The following STAT6 variants were observed in gnomAD, a reference collection of about 807,000 sequenced individuals.
The protein encoded by STAT6 is signal transducer and activator of transcription 6.
STAT6 carries 45 observed loss-of-function variants against 106.3 expected under a neutral mutation model. The observed-to-expected ratio is 0.42, with a 90% CI of 0.33 to 0.54. The LOEUF is 0.54. Among genes scored for constraint, STAT6 ranks in the 20% least tolerant of loss-of-function variants. The probability of loss-of-function intolerance (pLI) is 0.06; values close to 1 mark genes in which losing one functional copy is unlikely to be tolerated. For synonymous variants in STAT6, 413 were observed against 413.6 expected, an observed-to-expected ratio of 1.00 and a Z score of 0.02; for missense variants, 797 against 1,062.2, an observed-to-expected ratio of 0.75 and a Z score of 3.47.
chr12:57,102,616 A>G, intron 12 of STAT6, 120 bp from the exon 13 acceptor site: 1 of 1,133,400 alleles, frequency 8.8e-7, no homozygotes. Context: ...TATCGCTCAC[A>G]AACATGCTGT....
In STAT6 at chr12:57,107,229, A is replaced by G; in HGVS notation, c.339+2T>C. ...GGGGTGGGAGGTGGAATATCACAAT[A>G]CCTGTTCCATAACAGCTTTTTTCTC... On this transcript the variant is annotated splice_donor_variant, in intron 4 of 21. Transcript: ENST00000300134. LOFTEE classifies it high-confidence loss of function. 1 of 1,613,908 alleles carries G rather than the reference A, an allele frequency of 6.2e-7. No individual in the cohort carries two copies. Among genetic ancestry groups the G allele is most frequent in the Non-Finnish European group, 8.5e-7 (1 of 1,179,834 alleles).
intron 1 of STAT6, among the ~76,000 whole-genome samples, chr12:57,109,635 G>T (rs2034474243): frequency 6.6e-6 from 1 of 152,156 alleles, no homozygotes; most frequent in South Asian, 2.1e-4. Context: ...TGGAAAAAAG[G>T]CGGGTTTAGT....
At position 57,096,870 on chromosome 12, in the gene STAT6, T is replaced by C. The variant is rs761639300; in HGVS notation, c.2334A>G (p.Thr778=). The part of the protein sequence containing the change: ...VEDSCLSQPV[T]AFPQGTWIGE... ...CTCACCAAGTGCCCTGAGGAAACGC[T>C]GTCACTGGCTGGCTCAGGCAGCTGT... Residue 778 remains threonine (T), a synonymous_variant, in exon 21 of 22, where the codon ACA becomes ACG. Transcript: ENST00000300134. The C allele has an allele frequency of 6.2e-7, 1 of 1,614,176 alleles. No individual in the cohort carries two copies. Among genetic ancestry groups the C allele is most frequent in the Admixed American group, 1.7e-5 (1 of 60,028 alleles).
At chr12:57,098,391 A>G (rs2033589582) in intron 19 of STAT6, 114 bp downstream of exon 19, 1 of 1,071,362 alleles carries the variant, frequency 9.3e-7, no homozygotes, top group Non-Finnish European at 1.4e-6. Context: ...ACAGAAGAGA[A>G]GAAGACAGGC....
At position 57,098,533 on chromosome 12, in the gene STAT6, A is replaced by G; in HGVS notation, c.2131T>C (p.Ser711Pro). 1 of 1,614,140 alleles carries G rather than the reference A, an allele frequency of 6.2e-7. No individual in the cohort carries two copies. Among genetic ancestry groups the G allele is most frequent in the Non-Finnish European group, 8.5e-7 (1 of 1,180,024 alleles). ...TGGAAGGCTGACAACACGTTGACTG[A>G]TTCTTCTGGGGAGAGGCCTTGATAC... ...PPYQGLSPEE[S>P]VNVLSAFQEP... Residue 711 changes from serine (S) to proline (P), a missense_variant, in exon 19 of 22, where the codon TCA (serine) becomes CCA (proline). Around this residue, in one of 4 missense-constraint regions of STAT6, gnomAD observed 226 missense variants for 236.7 expected, o/e 0.95. Transcript: ENST00000300134.
In STAT6 at chr12:57,096,908, T is replaced by C; in HGVS notation, c.2296A>G (p.Thr766Ala). 6.2e-7 allele frequency: 1 copy of C among 1,614,102 alleles called. No homozygotes were observed. Among genetic ancestry groups the C allele is most frequent in the South Asian group, 1.1e-5 (1 of 91,090 alleles). Residue 766 changes from threonine to alanine, a missense_variant, in exon 21 of 22, where the codon ACC becomes GCC. Thr to Ala is a moderately conservative substitution (Grantham distance 58, BLOSUM62 0). Around this residue, in one of 4 missense-constraint regions of STAT6, gnomAD observed 226 missense variants for 236.7 expected, o/e 0.95. Coordinates refer to ENST00000300134, the MANE Select transcript of STAT6 (RefSeq NM_003153.5). ...SPDPLLCSDV[T>A]MVEDSCLSQP... is the part of the protein sequence containing the mutation. ...CTCAGGCAGCTGTCTTCCACCATGG[T>C]CACATCTGAGCAGAGCAGGGGGTCA... is the stretch of plus-strand genomic sequence containing the variant.
chr12:57,105,167 C>G lies in STAT6; in HGVS notation c.985G>C (p.Gly329Arg), dbSNP rs2034189939. ...KQARELSVPQ[G>R]PGAGAESTGE... ...CCAGCTTACGCTCCAGCCCCAGGAC[C>G]CTGAGGCACACTCAGCTCCCGCGCC... The change falls in exon 9 of 22, where the codon GGT (glycine) becomes CGT (arginine). Residue 329 changes from glycine (G) to arginine (R), a missense_variant. Physicochemically the swap from Gly to Arg is moderately radical, Grantham distance 125. Around this residue, in one of 4 missense-constraint regions of STAT6, gnomAD observed 336 missense variants for 429.8 expected, o/e 0.78. Transcript: ENST00000300134. 6.2e-7 allele frequency: 1 copy of G among 1,612,822 alleles called. No homozygotes were observed. The highest frequency in any genetic ancestry group is 8.5e-7 in the Non-Finnish European group (1 of 1,179,500).
chr12:57,101,990 G>A (rs2033965118), intron 13 of STAT6, among the ~76,000 whole-genome samples: 1 of 152,164 alleles, frequency 6.6e-6, no homozygotes, highest in Non-Finnish European at 1.5e-5. Context: ...ACAGGTCAAA[G>A]TCACTTTGAA....
At chr12:57,105,758 G>T in intron 7 of STAT6, 159 bp from the exon 8 acceptor site, 1 of 1,250,292 alleles carries the variant, frequency 8.0e-7, no homozygotes, top group Non-Finnish European at 1.1e-6. Flanking sequence ...GGGGTTCTGT[G>T]ATCTGTTGGC....
intron 6 of STAT6, 22 bp from the exon 7 acceptor site, chr12:57,106,361 A>C (rs1320744699): frequency 2.5e-6 from 4 of 1,613,758 alleles, no homozygotes; most frequent in Non-Finnish European, 3.4e-6. Flanking sequence ...GAGGGGCCTG[A>C]GCCAGGGCCT....
Position 57,096,915 on chromosome 12 carries a change from T to G in STAT6, c.2289A>C (p.Ser763=), listed in dbSNP as rs755206351. 7.4e-6 allele frequency: 12 copies of G among 1,614,166 alleles called. No homozygotes were observed. In the South Asian group the frequency reaches 1.2e-4, roughly 16 times the overall value. ...AVSSPDPLLC[S]DVTMVEDSCL... is the part of the protein sequence containing the mutation. Reference sequence around the variant, plus strand: ...AGCTGTCTTCCACCATGGTCACATCTGAGCAGAGCAGGGGGTCAGGGCTGG... The same window carrying G: ...AGCTGTCTTCCACCATGGTCACATCGGAGCAGAGCAGGGGGTCAGGGCTGG... Residue 763 remains serine (S), a synonymous_variant, in exon 21 of 22, where the codon TCA becomes TCC. Coordinates refer to ENST00000300134, the MANE Select transcript of STAT6 (RefSeq NM_003153.5).
intron 1 of STAT6, among the ~76,000 whole-genome samples, chr12:57,109,519 G>T (rs1205636375): frequency 6.6e-6 from 1 of 152,140 alleles, no homozygotes; most frequent in Non-Finnish European, 1.5e-5. Context: ...TCCCTTCCAG[G>T]GGCAAATCTG....
rs1263111468 is a variant in STAT6, at chr12:57,106,784, C to G, written c.387G>C (p.Lys129Asn). ...MPFHWKQEELKFKTGLRRLQH... is the reference protein window; with the variant it reads ...MPFHWKQEELNFKTGLRRLQH... ...GCAGCCTCCGCAAGCCTGTCTTAAACTTGAGTTCTTCCTGCTTCCAGTGGA... is the reference window on the plus strand; with the variant it reads ...GCAGCCTCCGCAAGCCTGTCTTAAAGTTGAGTTCTTCCTGCTTCCAGTGGA... Residue 129 changes from lysine (K) to asparagine (N), a missense_variant, in exon 5 of 22, where the codon AAG becomes AAC. By Grantham distance (94) the Lys-to-Asn change is moderately conservative. Around this residue, in one of 4 missense-constraint regions of STAT6, gnomAD observed 336 missense variants for 429.8 expected, o/e 0.78. Transcript: ENST00000300134. The G allele has an allele frequency of 6.2e-7, 1 of 1,614,192 alleles. No homozygotes were observed. The highest frequency in any genetic ancestry group is 8.5e-7 in the Non-Finnish European group (1 of 1,180,044).
Position 57,095,838 on chromosome 12 carries a change from G to A in STAT6, c.*734C>T, listed in dbSNP as rs1431813275. On this transcript the variant is annotated 3_prime_UTR_variant, in exon 22 of 22. Transcript: ENST00000300134. ...AAGCAGATAGACACATGTTCTATGT[G>A]GTCATGCAACTAAGGTGCCAGCTAT... The A allele has an allele frequency of 6.6e-6, 1 of 152,252 alleles. No homozygotes were observed. The highest frequency in any genetic ancestry group is 1.5e-5 in the Non-Finnish European group (1 of 68,044). The allele number at this position is 152,252 out of a possible 1,614,324, so 9.4% of individuals were successfully genotyped here. A position where few individuals can be genotyped will look rare whatever the true frequency, so the allele number is the denominator to read the frequency against.
At position 57,106,564 on chromosome 12, in the gene STAT6, C is replaced by A; in HGVS notation, c.495G>T (p.Leu165Phe). 2.5e-6 allele frequency: 4 copies of A among 1,614,166 alleles called. No homozygotes were observed. Among genetic ancestry groups the A allele is most frequent in the Non-Finnish European group, 3.4e-6 (4 of 1,180,030 alleles). Residue 165 changes from leucine (L) to phenylalanine (F), a missense_variant, in exon 6 of 22, where the codon TTG becomes TTT. Around this residue, in one of 4 missense-constraint regions of STAT6, gnomAD observed 336 missense variants for 429.8 expected, o/e 0.78. Coordinates refer to ENST00000300134, the MANE Select transcript of STAT6 (RefSeq NM_003153.5). ...AEAGQVSLHS[L>F]IETPANGTGP... ...CAGTCCCATTAGCAGGAGTTTCTAT[C>A]AAGCTGTGCAGAGACACTGAGGGTT...
At position 57,098,497 on chromosome 12, in the gene STAT6, T is replaced by A. The variant is rs990914306; in HGVS notation, c.2159+8A>T. The A allele has an allele frequency of 2.0e-5, 32 of 1,613,786 alleles. No individual in the cohort carries two copies. Among genetic ancestry groups the A allele is most frequent in the Non-Finnish European group, 2.7e-5 (32 of 1,179,770 alleles). ...TGGGATGGTATCCCCATGAGGTTTT[T>A]CACTTACTCCTGGAAGGCTGACAAC... On this transcript the variant is annotated splice_region_variant and intron_variant, in intron 19 of 21. Coordinates refer to ENST00000300134, the MANE Select transcript of STAT6 (RefSeq NM_003153.5).
At chr12:57,102,556 G>A (rs1025592490) in intron 12 of STAT6, 60 bp from the exon 13 acceptor site, 10 of 1,557,898 alleles carry the variant, frequency 6.4e-6, no homozygotes, top group South Asian at 1.2e-5. Context: ...TCCTCGGGCC[G>A]GCCTTCATCC....
At position 57,099,236 on chromosome 12, in the gene STAT6, G is replaced by A. The variant is rs1456140488; in HGVS notation, c.1891+58C>T. The A allele has an allele frequency of 6.2e-6, 10 of 1,609,800 alleles. No homozygotes were observed. Among genetic ancestry groups the A allele is most frequent in the Admixed American group, 3.3e-5 (2 of 59,954 alleles). The stretch of plus-strand genomic sequence containing the variant: ...ACGCGGGCAGGGAGAGGAGGGCAGC[G>A]GGGAGCAGGGAGGAAGTGGGTGACA... On this transcript the variant is annotated intron_variant, in intron 16 of 21. Transcript: ENST00000300134. The surrounding 1 kb of genome is among the most constrained non-coding windows in gnomAD (Gnocchi z 4.7).
intron 19 of STAT6, among the ~76,000 whole-genome samples, chr12:57,098,170 C>T (rs1440083544): frequency 6.6e-6 from 1 of 152,182 alleles, no homozygotes; most frequent in Non-Finnish European, 1.5e-5. Context: ...TGCTATGAGC[C>T]ATGCACTATG....
Sources: allele counts gnomAD v4.1 joint callset (sites outside exome capture counted in the v4.1 genomes callset), GRCh38; gene constraint gnomAD v4.1.1; regional missense constraint gnomAD v4.1.1; non-coding constraint Gnocchi (gnomAD v3.1); transcripts MANE v1.5; gene names NCBI Gene and HGNC (gene_info 2026-07-23, HGNC 2026-07-21).